The following CCDC88A variants were observed in gnomAD, a reference collection of about 807,000 sequenced individuals.
The protein encoded by CCDC88A is coiled-coil and HOOK domain protein 88A, also known as girdin.
CCDC88A carries 54 observed loss-of-function variants against 234.3 expected under a neutral mutation model. The observed-to-expected ratio is 0.23, with a 90% CI of 0.19 to 0.29. The LOEUF is 0.29. Among genes scored for constraint, CCDC88A ranks in the 10% least tolerant of loss-of-function variants. CCDC88A has a pLI of 1.00. For missense variants in CCDC88A, 1,832 were observed against 2,123.4 expected, an observed-to-expected ratio of 0.86 and a Z score of 2.70; for synonymous variants, 753 against 737.8, an observed-to-expected ratio of 1.02 and a Z score of -0.33.
chr2:55,386,714 C>T (rs1240541495), intron 3 of CCDC88A, among the ~76,000 whole-genome samples: 6 of 151,400 alleles, frequency 4.0e-5, no homozygotes, highest in South Asian at 2.1e-4. Context: ...TCAAGTGATC[C>T]GCCCACCTCG....
chr2:55,352,416 G>A (rs558202923), intron 8 of CCDC88A, among the ~76,000 whole-genome samples: 1 of 137,548 alleles, frequency 7.3e-6, no homozygotes, highest in Admixed American at 7.2e-5. Flanking sequence ...AACAGAGTGA[G>A]ACTCCATCTC....
chr2:55,406,815 C>T (rs1295570293), intron 2 of CCDC88A, among the ~76,000 whole-genome samples: 1 of 151,996 alleles, frequency 6.6e-6, no homozygotes, highest in Non-Finnish European at 1.5e-5. Flanking sequence ...AACCAACTTC[C>T]GTGGTCCTTC....
chr2:55,370,590 A>G (rs569885834), intron 5 of CCDC88A, among the ~76,000 whole-genome samples: 89 of 149,428 alleles, frequency 6.0e-4, no homozygotes, highest in Admixed American at 9.5e-4. Flanking sequence ...GCAGTGAGCC[A>G]AGATAATACC....
At chr2:55,331,655 C>T (rs1167552594) in intron 16 of CCDC88A, among the ~76,000 whole-genome samples, 1 of 152,050 alleles carries the variant, frequency 6.6e-6, no homozygotes, top group Non-Finnish European at 1.5e-5. Context: ...AAATAATAGA[C>T]TTGAAAATCA....
rs1014075368 is a variant in CCDC88A, at chr2:55,410,768, T to G, written c.164+8048A>C. Among the ~76,000 whole-genome samples, 9 of 151,918 alleles carry G rather than the reference T, an allele frequency of 5.9e-5. No homozygotes were observed. The South Asian group carries it at 1.9e-3, about 32-fold the overall frequency. On this transcript the variant is annotated intron_variant, in intron 2 of 32. Transcript: ENST00000436346. ...GAAAAGAAAAATTAGCTGGGCATGG[T>G]AGTAGTCCTAGCTACTCAGGAGGCT... is the stretch of plus-strand genomic sequence containing the variant.
chr2:55,297,578 T>G (rs980439540), intron 29 of CCDC88A, among the ~76,000 whole-genome samples: 1 of 149,354 alleles, frequency 6.7e-6, no homozygotes, highest in Admixed American at 6.8e-5. Flanking sequence ...GCCAGGCTAA[T>G]TTTTGTACTT....
intron 31 of CCDC88A, chr2:55,292,935 A>T (rs529511455): frequency 6.6e-6 from 1 of 152,168 alleles, no homozygotes; most frequent in Non-Finnish European, 1.5e-5. Flanking sequence ...TGATTTCTGA[A>T]GTCCAGACTG....
intron 8 of CCDC88A, among the ~76,000 whole-genome samples, chr2:55,354,223 T>A (rs1158929409): frequency 1.3e-5 from 2 of 151,528 alleles, no homozygotes; most frequent in East Asian, 3.9e-4. Context: ...TCACTGCAAC[T>A]TCCACCTCCT....
chr2:55,317,241 A>C lies in CCDC88A; in HGVS notation c.3711T>G (p.Ala1237=), dbSNP rs1574078285. The C allele has an allele frequency of 6.5e-7, 1 of 1,545,534 alleles. No individual in the cohort carries two copies. The highest frequency in any genetic ancestry group is 1.4e-5 in the African/African-American group (1 of 73,574). Residue 1237 remains alanine, a synonymous_variant, in exon 21 of 33, where the codon GCT becomes GCG. Transcript: ENST00000436346. This position sits in a 1 kb window ranked among gnomAD's most constrained non-coding sequence, Gnocchi z 4.2. ...LLENKNHETV[A]AEYKKLCGEN... ...CACCACAAAGTTTCTTGTATTCTGC[A>C]GCTACTGTTTCATGATTTTTATTTT...
intron 3 of CCDC88A, among the ~76,000 whole-genome samples, chr2:55,383,005 G>A (rs1451007123): frequency 4.6e-5 from 7 of 151,400 alleles, no homozygotes; most frequent in East Asian, 3.9e-4. Flanking sequence ...TTCAAGAAAC[G>A]GGAGAGGGAA....
intron 12 of CCDC88A, among the ~76,000 whole-genome samples, chr2:55,342,900 C>T (rs184762171): frequency 1.3e-5 from 2 of 152,216 alleles, no homozygotes; most frequent in African/African-American, 4.8e-5. Flanking sequence ...GTAGAACAAT[C>T]TAATACTGGG....
At chr2:55,376,530 T>C (rs1277411450) in intron 3 of CCDC88A, among the ~76,000 whole-genome samples, 1 of 152,210 alleles carries the variant, frequency 6.6e-6, no homozygotes, top group East Asian at 1.9e-4. Flanking sequence ...ATTCATCTCT[T>C]ATCTATAATT....
chr2:55,311,723 A>C (rs1328262281), intron 23 of CCDC88A, among the ~76,000 whole-genome samples: 1 of 152,234 alleles, frequency 6.6e-6, no homozygotes, highest in Non-Finnish European at 1.5e-5. Flanking sequence ...ATCGGGTAGT[A>C]ATACCAAGAC....
At chr2:55,305,375 T>C (rs1681424603) in intron 25 of CCDC88A, among the ~76,000 whole-genome samples, 1 of 152,242 alleles carries the variant, frequency 6.6e-6, no homozygotes, top group Non-Finnish European at 1.5e-5. Flanking sequence ...TGGGGTTTAT[T>C]TTAAAAATTC....
intron 32 of CCDC88A, 173 bp downstream of exon 32, chr2:55,291,503 A>G: frequency 2.5e-6 from 1 of 394,442 alleles, no homozygotes; most frequent in East Asian, 3.7e-5. Context: ...CTGACAGGTA[A>G]AAACCTATGG....
Position 55,326,198 on chromosome 2 carries a change from TAA to T in CCDC88A, c.2997+2094_2997+2095del, listed in dbSNP as rs560079012. On this transcript the variant is annotated intron_variant, in intron 17 of 32. Coordinates refer to ENST00000436346, the MANE Select transcript of CCDC88A (RefSeq NM_001365480.1). ...TTTTTTTTTGCCTTTTGGATTTTTTTAAGAGACAGGATCTCCCTATGTTGCCC... is the reference window on the plus strand; with the variant it reads ...TTTTTTTTTGCCTTTTGGATTTTTTTGAGACAGGATCTCCCTATGTTGCCC... Among the ~76,000 whole-genome samples the T allele has an allele frequency of 1.9e-4, 29 of 152,194 alleles. No homozygotes were observed. In the East Asian group the frequency reaches 5.4e-3, roughly 28 times the overall value.
chr2:55,402,059 T>A (rs1214541458), intron 2 of CCDC88A, among the ~76,000 whole-genome samples: 1 of 152,136 alleles, frequency 6.6e-6, no homozygotes, highest in Admixed American at 6.5e-5. Context: ...TTTTTAACTT[T>A]TGGTCTCAGA....
rs181569332 is a variant in CCDC88A at position 55,366,853 on chromosome 2, C to T, written c.403-2820G>A. Among the ~76,000 whole-genome samples the T allele has an allele frequency of 2.5e-3, 377 of 152,246 alleles. 1 individual carries two copies. Among genetic ancestry groups the T allele is most frequent in the Non-Finnish European group, 3.0e-3 (204 of 68,020 alleles). ...CAAGAAAATAATAAGACAAGGAACA[C>T]ATTATAGTGTTTTAAATAAGAAAAC... On this transcript the variant is annotated intron_variant, in intron 5 of 32. Coordinates refer to ENST00000436346, the MANE Select transcript of CCDC88A (RefSeq NM_001365480.1).
At chr2:55,400,953 A>G (rs893665077) in intron 2 of CCDC88A, among the ~76,000 whole-genome samples, 1 of 152,236 alleles carries the variant, frequency 6.6e-6, no homozygotes, top group Non-Finnish European at 1.5e-5. Context: ...TAATTTATGT[A>G]TCTAACTTTA....
Sources: gnomAD v4.1 joint callset for allele counts (sites outside exome capture counted in the v4.1 genomes callset) on GRCh38, gnomAD v4.1.1 for gene constraint, Gnocchi (gnomAD v3.1) non-coding constraint, MANE v1.5 for transcripts, NCBI Gene and HGNC (gene_info 2026-07-23, HGNC 2026-07-21) for gene names.